The following ST18 variants were observed in gnomAD, a reference collection of about 807,000 sequenced individuals.
ST18 encodes suppression of tumorigenicity 18 protein.
In ST18, 50 loss-of-function variants were observed where a neutral mutation model predicts 110.0. The observed-to-expected ratio is 0.45, with a 90% confidence interval of 0.36 to 0.58. The LOEUF (loss-of-function observed/expected upper bound fraction) is 0.58. Ranked by LOEUF, ST18 falls within the 20% of genes least tolerant of loss-of-function variation. ST18 has a pLI of 0.00. For missense variants in ST18, 1,306 were observed against 1,280.1 expected (o/e 1.02, Z -0.31); for synonymous variants, 461 against 452.4 (o/e 1.02, Z -0.24).
chr8:52,375,897 C>T (rs1169596762), intron 2 of ST18, among the ~76,000 whole-genome samples: 1 of 152,164 alleles, frequency 6.6e-6, no homozygotes, highest in African/African-American at 2.4e-5. Context: ...GCCACTTCCT[C>T]CCGTTAATTG....
chr8:52,203,208 C>T (rs575378756), intron 8 of ST18, among the ~76,000 whole-genome samples: 3 of 152,228 alleles, frequency 2.0e-5, no homozygotes, highest in Non-Finnish European at 2.9e-5. Context: ...AACCATGACA[C>T]CAGGGCTCAA....
chr8:52,144,177 T>G (rs2056355479), intron 16 of ST18, among the ~76,000 whole-genome samples: 1 of 152,144 alleles, frequency 6.6e-6, no homozygotes, highest in Admixed American at 6.5e-5. Flanking sequence ...ATCACATAAT[T>G]AGCTTACTTT....
intron 8 of ST18, among the ~76,000 whole-genome samples, chr8:52,198,414 C>T (rs954362383): frequency 1.3e-5 from 2 of 152,036 alleles, no homozygotes; most frequent in African/African-American, 4.8e-5. Flanking sequence ...TTTCTGCACA[C>T]AAAAAACTAA....
intron 2 of ST18, among the ~76,000 whole-genome samples, chr8:52,351,373 T>C (rs1237404229): frequency 5.9e-5 from 9 of 152,212 alleles, no homozygotes; most frequent in Non-Finnish European, 1.5e-5. Flanking sequence ...TTGTTAGCAA[T>C]TTTTTCTACA....
Position 52,363,866 on chromosome 8 carries a change from A to G in ST18, c.-465+45462T>C, listed in dbSNP as rs557073508. On this transcript the variant is annotated intron_variant, in intron 2 of 25. Transcript: ENST00000689386. ...ACCATGATCCAGTTTTATAAAAGTA[A>G]GTCCAGTCCTAATTCTAGGTGCTTT... 2.0e-5 allele frequency among the ~76,000 whole-genome samples: 3 copies of G among 152,312 alleles called. No homozygotes were observed. In the East Asian group the frequency reaches 5.8e-4, roughly 29 times the overall value.
chr8:52,131,898 G>C (rs1404569790), intron 22 of ST18, 60 bp downstream of exon 22: 1 of 1,557,564 alleles, frequency 6.4e-7, no homozygotes, highest in African/African-American at 1.4e-5. Flanking sequence ...CTCTCCCCAA[G>C]GCAGCCTAGG....
intron 2 of ST18, among the ~76,000 whole-genome samples, chr8:52,314,459 C>G (rs2095985205): frequency 6.6e-6 from 1 of 152,206 alleles, no homozygotes; most frequent in South Asian, 2.1e-4. Context: ...ATTACTGTAC[C>G]TGTCCCCTTG....
At chr8:52,207,957 G>T (rs1478789850) in intron 8 of ST18, among the ~76,000 whole-genome samples, 2 of 152,214 alleles carry the variant, frequency 1.3e-5, no homozygotes, top group African/African-American at 2.4e-5. Context: ...CAATGGTCAT[G>T]ATTTAGAAAG....
intron 16 of ST18, among the ~76,000 whole-genome samples, chr8:52,146,667 G>T (rs563506052): frequency 7.1e-4 from 108 of 152,224 alleles, no homozygotes; most frequent in African/African-American, 2.4e-3. Context: ...GTATCCCTCT[G>T]ATAGCTTGTC....
chr8:52,245,105 A>G (rs2093736348), intron 2 of ST18, among the ~76,000 whole-genome samples: 1 of 152,100 alleles, frequency 6.6e-6, no homozygotes, highest in South Asian at 2.1e-4. Flanking sequence ...ATTCTCCACC[A>G]TTGTTTGATA....
At chr8:52,342,251 T>C (rs1472172004) in intron 2 of ST18, among the ~76,000 whole-genome samples, 1 of 152,144 alleles carries the variant, frequency 6.6e-6, no homozygotes, top group Non-Finnish European at 1.5e-5. Flanking sequence ...ATACGTTGTA[T>C]TCAGAGCCAA....
chr8:52,291,973 C>G (rs1002346308), intron 2 of ST18, among the ~76,000 whole-genome samples: 2 of 152,084 alleles, frequency 1.3e-5, no homozygotes, highest in African/African-American at 4.8e-5. Context: ...CGGGGTTTCA[C>G]CATGTTGCCA....
At chr8:52,160,263 C>A (rs892863345) in intron 14 of ST18, among the ~76,000 whole-genome samples, 1 of 152,168 alleles carries the variant, frequency 6.6e-6, no homozygotes, top group Non-Finnish European at 1.5e-5. Flanking sequence ...CAACTTTTCC[C>A]TTAAATCTAA....
At chr8:52,118,652 AC>A (rs1339919338) in intron 23 of ST18, among the ~76,000 whole-genome samples, 1 of 152,150 alleles carries the variant, frequency 6.6e-6, no homozygotes, top group African/African-American at 2.4e-5. Flanking sequence ...GAAAAGTGCC[AC>A]CCTTGCATGT....
chr8:52,131,394 C>T (rs113355898), intron 22 of ST18, among the ~76,000 whole-genome samples: 43 of 152,190 alleles, frequency 2.8e-4, no homozygotes, highest in African/African-American at 8.2e-4. Context: ...GCATGACACT[C>T]GGTGGTAAAG....
intron 2 of ST18, among the ~76,000 whole-genome samples, chr8:52,349,179 CCTT>C (rs1564548840): frequency 2.0e-5 from 3 of 152,150 alleles, no homozygotes; most frequent in Admixed American, 1.3e-4. Context: ...GACAATATCT[CCTT>C]CTTCTTTCTC....
intron 2 of ST18, 84 bp downstream of exon 2, chr8:52,409,244 G>A (rs1374814393): frequency 2.0e-5 from 3 of 152,228 alleles, no homozygotes; most frequent in Non-Finnish European, 2.9e-5. Flanking sequence ...CGCATCTTGC[G>A]CCAGTGGTAT....
intron 2 of ST18, among the ~76,000 whole-genome samples, chr8:52,386,674 T>C (rs995354403): frequency 3.3e-5 from 5 of 152,134 alleles, no homozygotes; most frequent in Non-Finnish European, 1.5e-5. Context: ...TCCTTTTATT[T>C]TAAAAGGGGA....
chr8:52,149,944 A>G lies in ST18; in HGVS notation c.1840T>C (p.Leu614=), dbSNP rs2058376807. The change falls in exon 16 of 26, where the codon TTG becomes CTG. Residue 614 remains leucine, a synonymous_variant. Coordinates refer to ENST00000689386, the MANE Select transcript of ST18 (RefSeq NM_001352837.2). ...CGATTTTTTTTCATGCTTAAGTCCA[A>G]TGTGCCATTTTCATCCACTTCTATT... ...AEIEVDENGT[L]DLSMKKNRIL... 1.9e-6 allele frequency: 3 copies of G among 1,613,992 alleles called. No individual in the cohort carries two copies. The South Asian group carries it at 3.3e-5, about 18-fold the overall frequency.
Sources: gnomAD v4.1 joint callset for allele counts (sites outside exome capture counted in the v4.1 genomes callset) on GRCh38, gnomAD v4.1.1 for gene constraint, MANE v1.5 for transcripts, NCBI Gene and HGNC (gene_info 2026-07-23, HGNC 2026-07-21) for gene names.